Variants in AUH observed in about 807,000 individuals in gnomAD.
AUH encodes the protein methylglutaconyl-CoA hydratase, mitochondrial.
AUH carries 29 observed loss-of-function variants against 42.3 expected under a neutral mutation model. The ratio of observed to expected loss-of-function variants is 0.69; its 90% CI spans 0.51 to 0.93. The LOEUF is 0.93. AUH is among the 40% of genes least tolerant of loss of function. The pLI is 0.00. For missense variants in AUH, 452 were observed against 438.1 expected (o/e 1.03, Z -0.28); for synonymous variants, 174 against 166.4 (o/e 1.05, Z -0.35).
intron 3 of AUH, among the ~76,000 whole-genome samples, chr9:91,352,509 C>G (rs1358795028): frequency 6.6e-6 from 1 of 151,936 alleles, no homozygotes; most frequent in Non-Finnish European, 1.5e-5. Flanking sequence ...TTTGACCTAC[C>G]ATGCTACTTT....
chr9:91,253,735 G>A (rs962138757), intron 6 of AUH, among the ~76,000 whole-genome samples: 1 of 152,098 alleles, frequency 6.6e-6, no homozygotes, highest in African/African-American at 2.4e-5. Flanking sequence ...CCCCTTGTGG[G>A]GCTCCATGTG....
intron 3 of AUH, among the ~76,000 whole-genome samples, chr9:91,345,616 G>A (rs766195815): frequency 6.6e-6 from 1 of 151,988 alleles, no homozygotes; most frequent in African/African-American, 2.4e-5. Flanking sequence ...GGTGGATCAC[G>A]AGATCAGGAG....
chr9:91,217,143 G>A (rs1826866424), intron 8 of AUH, 134 bp downstream of exon 8: 10 of 895,082 alleles, frequency 1.1e-5, no homozygotes, highest in Non-Finnish European at 1.7e-5. Flanking sequence ...AACTTCAGTA[G>A]CTTTCAGTAA....
At chr9:91,317,212 G>A (rs1587845512) in intron 4 of AUH, among the ~76,000 whole-genome samples, 1 of 152,118 alleles carries the variant, frequency 6.6e-6, no homozygotes, top group African/African-American at 2.4e-5. Context: ...TTGGCTATTT[G>A]GGGGTCTCTT....
Position 91,331,242 on chromosome 9 carries a change from A to G in AUH, c.419-5838T>C, listed in dbSNP as rs575483408. Among the ~76,000 whole-genome samples, 5 of 152,348 alleles carry G rather than the reference A, an allele frequency of 3.3e-5. No homozygotes were observed. The South Asian group carries it at 1.0e-3, about 32-fold the overall frequency. ...AATGTTTTGGAGAAAAAGGTGAAGA[A>G]AGTACAGACGGGTATTAAAGGTGGT... On this transcript the variant is annotated intron_variant, in intron 3 of 9. Transcript: ENST00000375731.
At chr9:91,227,201 A>G (rs1484616556) in intron 6 of AUH, among the ~76,000 whole-genome samples, 1 of 151,094 alleles carries the variant, frequency 6.6e-6, no homozygotes, top group Admixed American at 6.6e-5. Context: ...ATGTTCTTCC[A>G]TTTGTTTGTG....
intron 1 of AUH, among the ~76,000 whole-genome samples, chr9:91,360,932 C>T (rs754021994): frequency 6.6e-6 from 1 of 152,220 alleles, no homozygotes; most frequent in Admixed American, 6.5e-5. Flanking sequence ...GTGAAAGGAA[C>T]TGAGCTGTAA....
intron 3 of AUH, among the ~76,000 whole-genome samples, chr9:91,328,131 C>T (rs1830086953): frequency 6.6e-6 from 1 of 152,176 alleles, no homozygotes; most frequent in Non-Finnish European, 1.5e-5. Flanking sequence ...ATGAGGGAGG[C>T]CAATCCATCC....
At chr9:91,284,431 A>T (rs1266134948) in intron 6 of AUH, among the ~76,000 whole-genome samples, 1 of 152,210 alleles carries the variant, frequency 6.6e-6, no homozygotes, top group Non-Finnish European at 1.5e-5. Context: ...AAACACCAAA[A>T]GCAATGGCGA....
intron 9 of AUH, among the ~76,000 whole-genome samples, chr9:91,214,739 GAGA>G (rs139042733): frequency 5.3e-4 from 81 of 152,230 alleles, no homozygotes; most frequent in African/African-American, 1.8e-3. Context: ...CACAAACTTT[GAGA>G]AGTTGTATTT....
chr9:91,245,077 G>C (rs1380224329), intron 6 of AUH, among the ~76,000 whole-genome samples: 2 of 152,186 alleles, frequency 1.3e-5, no homozygotes. Context: ...AATAACCAGA[G>C]AGGGAAGGGA....
At chr9:91,234,361 G>A (rs1178371384) in intron 6 of AUH, among the ~76,000 whole-genome samples, 1 of 152,198 alleles carries the variant, frequency 6.6e-6, no homozygotes, top group Non-Finnish European at 1.5e-5. Flanking sequence ...ACAGGGCAGT[G>A]ACGTGCAGAC....
At chr9:91,345,110 TA>T (rs1337065714) in intron 3 of AUH, among the ~76,000 whole-genome samples, 3 of 151,824 alleles carry the variant, frequency 2.0e-5, no homozygotes, top group Admixed American at 6.6e-5. Context: ...TACTTAGTAG[TA>T]AAAGACTGGA....
chr9:91,327,411 A>C (rs1830032417), intron 3 of AUH, among the ~76,000 whole-genome samples: 1 of 152,154 alleles, frequency 6.6e-6, no homozygotes, highest in Non-Finnish European at 1.5e-5. Flanking sequence ...GATGCCTTTT[A>C]ACCAATCAAA....
intron 3 of AUH, among the ~76,000 whole-genome samples, chr9:91,336,662 T>A (rs1587887679): frequency 7.7e-6 from 1 of 129,146 alleles, no homozygotes. Context: ...TGAACCTCCA[T>A]CACACAGACT....
At chr9:91,224,714 C>T (rs913155445) in intron 6 of AUH, among the ~76,000 whole-genome samples, 1 of 152,118 alleles carries the variant, frequency 6.6e-6, no homozygotes, top group African/African-American at 2.4e-5. Context: ...CACTCATTCC[C>T]ACTGAAATTT....
intron 6 of AUH, among the ~76,000 whole-genome samples, chr9:91,231,801 CTA>C (rs1413951933): frequency 6.6e-6 from 1 of 152,040 alleles, no homozygotes; most frequent in Non-Finnish European, 1.5e-5. Flanking sequence ...TGGGCTGGAG[CTA>C]TATACTCAGG....
intron 6 of AUH, among the ~76,000 whole-genome samples, chr9:91,235,405 T>C (rs1397067778): frequency 6.6e-6 from 1 of 152,050 alleles, no homozygotes; most frequent in Admixed American, 6.6e-5. Flanking sequence ...TTAGCCTGAG[T>C]GTGTGAGTGT....
At chr9:91,249,139 A>T (rs182231445) in intron 6 of AUH, among the ~76,000 whole-genome samples, 1 of 152,018 alleles carries the variant, frequency 6.6e-6, no homozygotes, top group East Asian at 1.9e-4. Flanking sequence ...TCCACAAAAA[A>T]TACAAAAATT....
Sources: gnomAD v4.1 joint callset for allele counts (sites outside exome capture counted in the v4.1 genomes callset) on GRCh38, gnomAD v4.1.1 for gene constraint, MANE v1.5 for transcripts, NCBI Gene and HGNC (gene_info 2026-07-23, HGNC 2026-07-21) for gene names.